Variants in GLP1R observed in about 807,000 individuals in gnomAD.
GLP1R encodes glucagon like peptide 1 receptor, also known as glucagon-like peptide 1 receptor.
Under a neutral mutation model 68.4 loss-of-function variants are expected in GLP1R, and 32 were observed. The ratio of observed to expected loss-of-function variants is 0.47; its 90% CI spans 0.35 to 0.63. The LOEUF (loss-of-function observed/expected upper bound fraction) is 0.63, where lower values mean the gene tolerates loss of function less well. Among genes scored for constraint, GLP1R ranks in the 20% least tolerant of loss-of-function variants. The pLI is 0.00. For missense variants in GLP1R, 502 were observed against 594.9 expected (o/e 0.84, Z 1.62); for synonymous variants, 263 against 244.4 (o/e 1.08, Z -0.71).
intron 8 of GLP1R, 49 bp downstream of exon 8, chr6:39,078,431 A>C (rs760182834): frequency 7.8e-7 from 1 of 1,278,996 alleles, no homozygotes; most frequent in Non-Finnish European, 1.1e-6. Flanking sequence ...CCCCATCCTC[A>C]AGGTCCATGG....
At chr6:39,078,183 A>C (rs1461067959) in intron 7 of GLP1R, 139 bp from the exon 8 acceptor site, 1 of 678,130 alleles carries the variant, frequency 1.5e-6, no homozygotes, top group Middle Eastern at 3.2e-4. Context: ...CCAGAAAAAA[A>C]CTAGAAAACA....
chr6:39,068,679 G>C (rs13216992), intron 5 of GLP1R, among the ~76,000 whole-genome samples: 36,943 of 152,186 alleles, frequency 0.24, 5,319 homozygotes, highest in Non-Finnish European at 0.34. Flanking sequence ...AGTTATACCT[G>C]GGCCCACTTG....
At position 39,049,390 on chromosome 6, in the gene GLP1R, T is replaced by C. The variant is rs1167326239; in HGVS notation, c.78+472T>C. ...CTGCTCAAAGACCCTGAGAAGACCC[T>C]GGGAGGAGCTGAGAGGGCCAGGGTG... On this transcript the variant is annotated intron_variant, in intron 1 of 12. Coordinates refer to ENST00000373256, the MANE Select transcript of GLP1R (RefSeq NM_002062.5). This position sits in a 1 kb window ranked among gnomAD's most constrained non-coding sequence, Gnocchi z 4.5. Among the ~76,000 whole-genome samples, 1 of 152,104 alleles carries C rather than the reference T, an allele frequency of 6.6e-6. No homozygotes were observed. The highest frequency in any genetic ancestry group is 1.5e-5 in the Non-Finnish European group (1 of 68,006).
chr6:39,082,467 G>A (rs145902682), intron 12 of GLP1R, among the ~76,000 whole-genome samples: 9 of 152,248 alleles, frequency 5.9e-5, no homozygotes, highest in African/African-American at 2.2e-4. Context: ...GCAAAGAGTG[G>A]CCCATAAATG....
chr6:39,070,265 T>C (rs1341589572), intron 5 of GLP1R, among the ~76,000 whole-genome samples: 7 of 152,244 alleles, frequency 4.6e-5, no homozygotes, highest in Admixed American at 4.6e-4. Flanking sequence ...TGGTCCAACA[T>C]TATGTTTGTG....
chr6:39,056,200 A>G (rs1768209866), intron 1 of GLP1R, among the ~76,000 whole-genome samples, 197 bp from the exon 2 acceptor site: 1 of 152,196 alleles, frequency 6.6e-6, no homozygotes, highest in Non-Finnish European at 1.5e-5. Context: ...GGGAGGAATG[A>G]AGATGTCAAA....
chr6:39,076,277 G>T (rs148545721), intron 7 of GLP1R, among the ~76,000 whole-genome samples: 8 of 152,128 alleles, frequency 5.3e-5, no homozygotes, highest in Non-Finnish European at 1.0e-4. Context: ...CCCATCATTC[G>T]TTCCATTCTC....
chr6:39,073,094 G>A (rs1459648493), intron 6 of GLP1R, 79 bp downstream of exon 6: 3 of 1,341,542 alleles, frequency 2.2e-6, no homozygotes, highest in East Asian at 4.6e-5. Context: ...AGACAGGCCT[G>A]GGACAGGAGA....
At chr6:39,084,822 T>C (rs1189247441) in intron 12 of GLP1R, among the ~76,000 whole-genome samples, 4 of 152,190 alleles carry the variant, frequency 2.6e-5, no homozygotes, top group Non-Finnish European at 5.9e-5. Flanking sequence ...TTGCTGGGCA[T>C]AGCTGGATGG....
At chr6:39,062,833 T>C (rs540835630) in intron 3 of GLP1R, among the ~76,000 whole-genome samples, 1 of 152,370 alleles carries the variant, frequency 6.6e-6, no homozygotes, top group East Asian at 1.9e-4. Flanking sequence ...TTTCTTCATA[T>C]GTACAATGGG....
Position 39,068,769 on chromosome 6 carries a change from C to T in GLP1R, c.509+2466C>T, listed in dbSNP as rs1293576783. On this transcript the variant is annotated intron_variant, in intron 5 of 12. Coordinates refer to ENST00000373256, the MANE Select transcript of GLP1R (RefSeq NM_002062.5). ...AGGAGGTGGCCCTGGGCAGTGACTT[C>T]CAATGCCTCACAGTGTCCTGGGCTC... Among the ~76,000 whole-genome samples the T allele has an allele frequency of 2.0e-5, 3 of 152,212 alleles. No individual in the cohort carries two copies. In the East Asian group the frequency reaches 5.8e-4, roughly 29 times the overall value.
intron 7 of GLP1R, among the ~76,000 whole-genome samples, chr6:39,076,047 T>C (rs1424763327): frequency 3.3e-5 from 5 of 152,222 alleles, no homozygotes; most frequent in Non-Finnish European, 5.9e-5. Flanking sequence ...CTGTGTTTTT[T>C]GAAAAGGCCT....
At chr6:39,050,721 A>G (rs760326899) in intron 1 of GLP1R, among the ~76,000 whole-genome samples, 2 of 152,222 alleles carry the variant, frequency 1.3e-5, no homozygotes, top group Non-Finnish European at 2.9e-5. Flanking sequence ...AGACTAAAAA[A>G]TAGTGTATTT....
In GLP1R at chr6:39,090,464, G is replaced by A. The variant is rs546384088; in HGVS notation, c.*4391G>A. The stretch of plus-strand genomic sequence containing the variant: ...TTCCCTCCCTGCACTCCTCCTCCCC[G>A]ACAGCTGCCTCAGGAATAGGTGACC... On this transcript the variant is annotated 3_prime_UTR_variant, in exon 13 of 13. Transcript: ENST00000373256. 2.0e-5 allele frequency among the ~76,000 whole-genome samples: 3 copies of A among 152,014 alleles called. No individual in the cohort carries two copies. Among genetic ancestry groups the A allele is most frequent in the South Asian group, 2.1e-4 (1 of 4,800 alleles).
rs1160797040 is a variant in GLP1R at position 39,078,327 on chromosome 6, C to A, written c.829C>A (p.Pro277Thr). ...TGTCTTTCCCTCTCTCTTAGGTGTT[C>A]CCCTGCTGTTTGTTGTCCCCTGGGG... ...RLYVSIGWGV[P>T]LLFVVPWGIV... Residue 277 changes from proline (P) to threonine (T), a missense_variant, in exon 8 of 13, where the codon CCC (proline) becomes ACC (threonine). Transcript: ENST00000373256. 2 of 1,610,966 alleles carry A rather than the reference C, an allele frequency of 1.2e-6. No individual in the cohort carries two copies. Among genetic ancestry groups the A allele is most frequent in the African/African-American group, 1.3e-5 (1 of 74,972 alleles).
At chr6:39,074,101 G>A (rs772242315) in intron 7 of GLP1R, among the ~76,000 whole-genome samples, 10 of 152,128 alleles carry the variant, frequency 6.6e-5, no homozygotes, top group East Asian at 1.9e-4. Context: ...ACCCAGTCCC[G>A]GGCAGCCCGA....
chr6:39,073,521 G>A (rs1768728651), intron 6 of GLP1R, 89 bp from the exon 7 acceptor site: 4 of 1,133,234 alleles, frequency 3.5e-6, no homozygotes, highest in Non-Finnish European at 3.9e-6. Context: ...AACCATGGCA[G>A]GATAGTGGCT....
At position 39,079,345 on chromosome 6, in the gene GLP1R, A is replaced by G. The variant is rs1768926804; in HGVS notation, c.1043+145A>G. On this transcript the variant is annotated intron_variant, in intron 10 of 12. Coordinates refer to ENST00000373256, the MANE Select transcript of GLP1R (RefSeq NM_002062.5). The surrounding 1 kb of genome is among the most constrained non-coding windows in gnomAD (Gnocchi z 4.5). Reference sequence around the variant, plus strand: ...CACCCAGGCCTGGCCTTGGACCCCAAACCCTTGCTTTTGCCCTGTCTCTGG... The same window carrying G: ...CACCCAGGCCTGGCCTTGGACCCCAGACCCTTGCTTTTGCCCTGTCTCTGG... The G allele has an allele frequency of 1.2e-6, 1 of 815,966 alleles. No homozygotes were observed. The highest frequency in any genetic ancestry group is 3.3e-4 in the Middle Eastern group (1 of 3,036). 50.5% of individuals were successfully genotyped at this position (815,966 alleles called of 1,614,324 possible). A position where few individuals can be genotyped will look rare whatever the true frequency, so the allele number is the denominator to read the frequency against.
rs79736448 is a variant in GLP1R at position 39,068,293 on chromosome 6, C to T, written c.509+1990C>T. 1.4e-4 allele frequency among the ~76,000 whole-genome samples: 22 copies of T among 152,230 alleles called. No homozygotes were observed. The Middle Eastern group carries it at 0.01, about 71-fold the overall frequency. On this transcript the variant is annotated intron_variant, in intron 5 of 12. Transcript: ENST00000373256. ...TGGGAGTTGGGTCCCCAAGTCTCCC[C>T]GAAGCCCCACTCGCACAGCTTTGCT... is the stretch of plus-strand genomic sequence containing the variant.
Sources: gnomAD v4.1 joint callset for allele counts (sites outside exome capture counted in the v4.1 genomes callset) on GRCh38, gnomAD v4.1.1 for gene constraint, Gnocchi (gnomAD v3.1) non-coding constraint, MANE v1.5 for transcripts, NCBI Gene and HGNC (gene_info 2026-07-23, HGNC 2026-07-21) for gene names.